The following SGCD variants were observed in gnomAD, a reference collection of about 807,000 sequenced individuals.
SGCD encodes delta-sarcoglycan.
Under a neutral mutation model 36.6 loss-of-function variants are expected in SGCD, and 18 were observed. That is an observed-to-expected ratio of 0.49 (90% CI 0.34 to 0.73). The LOEUF is 0.73. Ranked by LOEUF, SGCD falls within the 30% of genes least tolerant of loss-of-function variation. The probability of loss-of-function intolerance (pLI) is 0.01; values close to 1 mark genes in which losing one functional copy is unlikely to be tolerated. For missense variants in SGCD, 387 were observed against 346.7 expected (o/e 1.12, Z -0.92); for synonymous variants, 133 against 130.6 (o/e 1.02, Z -0.12).
At chr5:156,428,667 CATT>C (rs1773781041) in intron 3 of SGCD, among the ~76,000 whole-genome samples, 1 of 152,046 alleles carries the variant, frequency 6.6e-6, no homozygotes. Context: ...TTGATGTACT[CATT>C]TAATGCTGTA....
chr5:156,644,885 A>G (rs1213581106), intron 6 of SGCD, among the ~76,000 whole-genome samples: 2 of 151,930 alleles, frequency 1.3e-5, no homozygotes, highest in Non-Finnish European at 2.9e-5. Context: ...GGAGAGGAGA[A>G]GCTGGTTTTT....
chr5:156,226,153 T>G (rs1177673986), intron 3 of SGCD, among the ~76,000 whole-genome samples: 2 of 152,118 alleles, frequency 1.3e-5, no homozygotes, highest in African/African-American at 4.8e-5. Flanking sequence ...TGTGAGATTT[T>G]GGTGCATTCA....
chr5:155,809,008 T>C, the SGCD span, among the ~76,000 whole-genome samples: 1 of 152,364 alleles, frequency 6.6e-6, no homozygotes, highest in African/African-American at 2.4e-5. Context: ...ACGTCTTACA[T>C]GAGGTGAACA....
intron 3 of SGCD, among the ~76,000 whole-genome samples, chr5:156,501,116 G>A (rs748798715): frequency 6.6e-6 from 1 of 152,080 alleles, no homozygotes; most frequent in Non-Finnish European, 1.5e-5. Context: ...ACCCCTCCTC[G>A]GGACACTGGC....
At chr5:156,591,689 G>T (rs1182108901) in intron 5 of SGCD, among the ~76,000 whole-genome samples, 1 of 152,172 alleles carries the variant, frequency 6.6e-6, no homozygotes, top group Non-Finnish European at 1.5e-5. Context: ...CTACACAGAG[G>T]GGGATTAATT....
chr5:156,319,904 A>G (rs1767613665), intron 3 of SGCD, among the ~76,000 whole-genome samples: 1 of 152,258 alleles, frequency 6.6e-6, no homozygotes, highest in African/African-American at 2.4e-5. Context: ...CATTGCGGAA[A>G]GGATATCAGG....
chr5:156,347,106 CT>C (rs941235768), intron 3 of SGCD, among the ~76,000 whole-genome samples: 2 of 152,022 alleles, frequency 1.3e-5, no homozygotes, highest in African/African-American at 4.8e-5. Context: ...CTGGACTTTA[CT>C]TTCTTTAAAG....
At chr5:156,416,687 T>G (rs1362755108) in intron 3 of SGCD, among the ~76,000 whole-genome samples, 1 of 152,190 alleles carries the variant, frequency 6.6e-6, no homozygotes, top group Non-Finnish European at 1.5e-5. Flanking sequence ...AACTCCTTCA[T>G]CTCTCTGGTC....
At chr5:156,191,711 G>A (rs1763899047) in intron 3 of SGCD, among the ~76,000 whole-genome samples, 1 of 152,086 alleles carries the variant, frequency 6.6e-6, no homozygotes, top group African/African-American at 2.4e-5. Flanking sequence ...CACAGATAAA[G>A]CTCAAAGAGA....
chr5:156,403,776 G>T (rs1772275128), intron 3 of SGCD, among the ~76,000 whole-genome samples: 1 of 151,812 alleles, frequency 6.6e-6, no homozygotes, highest in Non-Finnish European at 1.5e-5. Context: ...TTTTTCTTTA[G>T]TTCTTTGAGA....
At chr5:155,977,647 AAGAT>A (rs754770068) in intron 1 of SGCD, among the ~76,000 whole-genome samples, 19 of 152,332 alleles carry the variant, frequency 1.2e-4, no homozygotes, top group Non-Finnish European at 2.4e-4. Context: ...AAGGATGAAA[AAGAT>A]AGCCCAGAAT....
intron 3 of SGCD, among the ~76,000 whole-genome samples, chr5:156,497,959 A>C (rs1461041494): frequency 6.6e-6 from 1 of 152,068 alleles, no homozygotes; most frequent in East Asian, 1.9e-4. Flanking sequence ...ACATAGTCTA[A>C]TTGCCTTGAT....
intron 1 of SGCD, among the ~76,000 whole-genome samples, chr5:155,913,046 A>T (rs1756663759): frequency 6.6e-6 from 1 of 152,100 alleles, no homozygotes; most frequent in South Asian, 2.1e-4. Flanking sequence ...TACAGTGGTG[A>T]TATTGTCAAT....
At chr5:156,393,456 G>T (rs1463837145) in intron 3 of SGCD, among the ~76,000 whole-genome samples, 1 of 152,114 alleles carries the variant, frequency 6.6e-6, no homozygotes, top group Non-Finnish European at 1.5e-5. Context: ...TAAATTAAAA[G>T]ATAATAAATA....
At chr5:155,816,521 T>C in the SGCD span, among the ~76,000 whole-genome samples, 1 of 152,174 alleles carries the variant, frequency 6.6e-6, no homozygotes, top group South Asian at 2.1e-4. Flanking sequence ...TTTCGTCTTG[T>C]TGTCTCAGGA....
intron 3 of SGCD, among the ~76,000 whole-genome samples, chr5:156,233,639 AC>A (rs1765078733): frequency 6.6e-6 from 1 of 152,214 alleles, no homozygotes. Flanking sequence ...CTAAAAGGGA[AC>A]ACGTGACCAT....
chr5:156,538,838 C>A (rs1758232090), intron 4 of SGCD, among the ~76,000 whole-genome samples: 1 of 152,180 alleles, frequency 6.6e-6, no homozygotes, highest in African/African-American at 2.4e-5. Context: ...ACTGTCCCTT[C>A]ATCTTTTCAA....
chr5:156,089,176 GC>G (rs1281725171), intron 1 of SGCD, among the ~76,000 whole-genome samples: 1 of 152,156 alleles, frequency 6.6e-6, no homozygotes, highest in Non-Finnish European at 1.5e-5. Context: ...GGGATCCCTG[GC>G]AAAGGGGTCT....
At chr5:156,606,517 T>G (rs1446435358) in intron 6 of SGCD, among the ~76,000 whole-genome samples, 1 of 152,350 alleles carries the variant, frequency 6.6e-6, no homozygotes, top group Non-Finnish European at 1.5e-5. Context: ...TAGGATTGAC[T>G]TGGCAATGTA....
Sources: gnomAD v4.1 joint callset for allele counts (sites outside exome capture counted in the v4.1 genomes callset) on GRCh38, gnomAD v4.1.1 for gene constraint, MANE v1.5 for transcripts, NCBI Gene and HGNC (gene_info 2026-07-23, HGNC 2026-07-21) for gene names.